EMCN: variants seen among roughly 807,000 people sequenced by gnomAD.
EMCN encodes the protein MUC-14.
A neutral mutation model predicts 38.4 loss-of-function variants in EMCN; 37 were observed. The ratio of observed to expected loss-of-function variants is 0.96; its 90% CI spans 0.74 to 1.27. EMCN has a LOEUF of 1.27. EMCN is among the 50% of genes most tolerant of loss of function. The probability of loss-of-function intolerance (pLI) is 0.00; values close to 1 mark genes in which losing one functional copy is unlikely to be tolerated. For synonymous variants in EMCN, 95 were observed against 100.8 expected (o/e 0.94, Z 0.35); for missense variants, 318 against 302.8 (o/e 1.05, Z -0.37).
intron 1 of EMCN, among the ~76,000 whole-genome samples, chr4:100,508,101 C>T (rs1008599973): frequency 1.3e-5 from 2 of 152,164 alleles, no homozygotes; most frequent in African/African-American, 4.8e-5. Context: ...GTTTGTTACA[C>T]AAAGGTTATG....
chr4:100,514,134 C>T (rs554340631), intron 1 of EMCN, among the ~76,000 whole-genome samples: 38 of 152,108 alleles, frequency 2.5e-4, no homozygotes, highest in African/African-American at 9.2e-4. Flanking sequence ...AGGGGCATAC[C>T]GACTACGCAT....
intron 1 of EMCN, among the ~76,000 whole-genome samples, chr4:100,485,164 A>C (rs551987877): frequency 6.6e-6 from 1 of 152,326 alleles, no homozygotes; most frequent in African/African-American, 2.4e-5. Flanking sequence ...ACCTAGACCA[A>C]CTAATTTATG....
chr4:100,459,788 A>G (rs1292442442), intron 4 of EMCN, among the ~76,000 whole-genome samples: 3 of 152,190 alleles, frequency 2.0e-5, no homozygotes, highest in African/African-American at 7.2e-5. Context: ...ATAGTATACT[A>G]TTGTGTATAT....
chr4:100,402,910 C>G (rs1392356139), intron 11 of EMCN, among the ~76,000 whole-genome samples: 1 of 152,004 alleles, frequency 6.6e-6, no homozygotes. Context: ...ATTTAAAAAA[C>G]AGCCCTTTAC....
At chr4:100,509,679 G>GT (rs2110309515) in intron 1 of EMCN, among the ~76,000 whole-genome samples, 1 of 152,200 alleles carries the variant, frequency 6.6e-6, no homozygotes, top group African/African-American at 2.4e-5. Flanking sequence ...GATACAAATG[G>GT]TTTTCCGTGT....
At chr4:100,417,725 G>C (rs900621221) in intron 8 of EMCN, among the ~76,000 whole-genome samples, 1 of 152,164 alleles carries the variant, frequency 6.6e-6, no homozygotes, top group Non-Finnish European at 1.5e-5. Flanking sequence ...CTTCACAGCT[G>C]TCTGATAGAA....
chr4:100,476,015 G>T (rs1728638438), intron 2 of EMCN, among the ~76,000 whole-genome samples: 1 of 151,808 alleles, frequency 6.6e-6, no homozygotes, highest in Non-Finnish European at 1.5e-5. Flanking sequence ...ATTATTCCTG[G>T]CATACACTAG....
chr4:100,439,230 ACTAT>A (rs1282222900), intron 5 of EMCN, among the ~76,000 whole-genome samples: 4 of 151,756 alleles, frequency 2.6e-5, no homozygotes, highest in Non-Finnish European at 4.4e-5. Flanking sequence ...CTTTTATAAA[ACTAT>A]CTGTTTCTGG....
chr4:100,476,641 A>G (rs985751538), intron 2 of EMCN, among the ~76,000 whole-genome samples: 1 of 152,230 alleles, frequency 6.6e-6, no homozygotes, highest in African/African-American at 2.4e-5. Flanking sequence ...TTAAACTAGC[A>G]TTCATTCATG....
intron 1 of EMCN, among the ~76,000 whole-genome samples, chr4:100,489,471 G>T (rs1729022363): frequency 6.6e-6 from 1 of 152,156 alleles, no homozygotes; most frequent in Non-Finnish European, 1.5e-5. Context: ...GTCAGTGACA[G>T]ACCACATATG....
At position 100,410,363 on chromosome 4, in the gene EMCN, C is replaced by G; in HGVS notation, c.752-8G>C. On this transcript the variant is annotated splice_polypyrimidine_tract_variant and splice_region_variant and intron_variant, in intron 10 of 11. Transcript: ENST00000296420. The stretch of plus-strand genomic sequence containing the variant: ...CTTGTGCAGAGTGCTCACCTGAGAA[C>G]AGAAGATATGTTTTGATCTGTAAGC... 1 of 1,613,416 alleles carries G rather than the reference C, an allele frequency of 6.2e-7. No homozygotes were observed. The highest frequency in any genetic ancestry group is 8.5e-7 in the Non-Finnish European group (1 of 1,179,474).
intron 7 of EMCN, 38 bp from the exon 8 acceptor site, chr4:100,421,415 A>G: frequency 6.6e-7 from 1 of 1,509,788 alleles, no homozygotes; most frequent in Non-Finnish European, 9.2e-7. Flanking sequence ...TAGAGTGGCT[A>G]CTGAATTTCA....
chr4:100,454,312 C>T (rs1205251730), intron 4 of EMCN, among the ~76,000 whole-genome samples: 3 of 151,512 alleles, frequency 2.0e-5, no homozygotes, highest in Non-Finnish European at 4.4e-5. Flanking sequence ...CTCAATCCCT[C>T]CACAGTTTAG....
intron 1 of EMCN, among the ~76,000 whole-genome samples, chr4:100,503,356 T>C (rs969936558): frequency 1.3e-5 from 2 of 148,158 alleles, no homozygotes; most frequent in African/African-American, 5.3e-5. Context: ...GGCAAAATTA[T>C]TGGCATAAGG....
At chr4:100,517,647 C>G (rs1435139462) in intron 1 of EMCN, among the ~76,000 whole-genome samples, 1 of 151,986 alleles carries the variant, frequency 6.6e-6, no homozygotes, top group African/African-American at 2.4e-5. Flanking sequence ...CTGCTGTACC[C>G]GCAAACATTT....
intron 5 of EMCN, among the ~76,000 whole-genome samples, chr4:100,443,635 T>C (rs916986266): frequency 3.3e-5 from 5 of 152,300 alleles, no homozygotes; most frequent in Non-Finnish European, 7.3e-5. Context: ...TCAGAGTAGC[T>C]GTGGATATAG....
At position 100,408,147 on chromosome 4, in the gene EMCN, C is replaced by T. The variant is rs185984077; in HGVS notation, c.*39+2135G>A. 9.5e-4 allele frequency among the ~76,000 whole-genome samples: 144 copies of T among 152,256 alleles called. 1 individual carries two copies. The highest frequency in any genetic ancestry group is 6.0e-3 in the Admixed American group (92 of 15,284). On this transcript the variant is annotated intron_variant, in intron 11 of 11. Transcript: ENST00000296420. The stretch of plus-strand genomic sequence containing the variant: ...ATGGTTTTGTTGAATTCCTCAGATT[C>T]CTCGGAATGGGTTTCAATCTTCTGA...
intron 1 of EMCN, among the ~76,000 whole-genome samples, chr4:100,484,619 C>T (rs910307191): frequency 5.9e-5 from 9 of 151,976 alleles, no homozygotes; most frequent in Non-Finnish European, 8.8e-5. Context: ...TTTGGGACGG[C>T]GGATCACCTC....
intron 1 of EMCN, among the ~76,000 whole-genome samples, chr4:100,498,078 C>T (rs1578233349): frequency 6.6e-6 from 1 of 151,640 alleles, no homozygotes; most frequent in Non-Finnish European, 1.5e-5. Flanking sequence ...GAATTTTAAA[C>T]AAGAGCAAAG....
Sources: gnomAD v4.1 joint callset for allele counts (sites outside exome capture counted in the v4.1 genomes callset) on GRCh38, gnomAD v4.1.1 for gene constraint, MANE v1.5 for transcripts, NCBI Gene and HGNC (gene_info 2026-07-23, HGNC 2026-07-21) for gene names.